The following THADA variants were observed in gnomAD, a reference collection of about 807,000 sequenced individuals.
The protein encoded by THADA is THADA armadillo repeat containing, also known as tRNA (32-2'-O)-methyltransferase regulator THADA.
In THADA, 213 loss-of-function variants were observed where a neutral mutation model predicts 219.8. That is an observed-to-expected ratio of 0.97 (90% CI 0.87 to 1.09). The LOEUF is 1.09. Among genes scored for constraint, THADA ranks in the 50% least tolerant of loss-of-function variants. The pLI, the probability that THADA is intolerant of heterozygous loss-of-function variation, is 0.00. For synonymous variants in THADA, 1,018 were observed against 828.9 expected (o/e 1.23, Z -3.92); for missense variants, 2,956 against 2,311.3 (o/e 1.28, Z -5.72).
chr2:43,284,390 A>G (rs769145454), intron 35 of THADA, among the ~76,000 whole-genome samples: 4 of 152,152 alleles, frequency 2.6e-5, no homozygotes, highest in Non-Finnish European at 4.4e-5. Context: ...TCCAGCTGTG[A>G]CTAAAAGGGG....
intron 29 of THADA, among the ~76,000 whole-genome samples, chr2:43,365,771 T>C (rs1670074735): frequency 6.6e-6 from 1 of 152,102 alleles, no homozygotes; most frequent in Admixed American, 6.5e-5. Context: ...CAGGTTCCTC[T>C]TGAGAAACTG....
At chr2:43,437,173 A>G (rs143593661) in intron 26 of THADA, among the ~76,000 whole-genome samples, 54 of 152,346 alleles carry the variant, frequency 3.5e-4, no homozygotes, top group African/African-American at 1.3e-3. Flanking sequence ...ACTTCAGCCC[A>G]TAAAGCCACT....
rs763655641 is a variant in THADA at position 43,574,602 on chromosome 2, T to G, written c.1463A>C (p.Gln488Pro). ...PSQILEVMGD[Q>P]SLVPYASDLL... The stretch of plus-strand genomic sequence containing the variant: ...GTCACTTGCATAAGGTACCAATGAC[T>G]GGTCTCCCATCACCTCTAAGATTTG... Residue 488 changes from glutamine (Q) to proline (P), a missense_variant, in exon 11 of 38, where the codon CAG (glutamine) becomes CCG (proline). By Grantham distance (76) the Gln-to-Pro change is moderately conservative. Coordinates refer to ENST00000405975, the MANE Select transcript of THADA (RefSeq NM_022065.5). 6.2e-7 allele frequency: 1 copy of G among 1,613,896 alleles called. No homozygotes were observed. Among genetic ancestry groups the G allele is most frequent in the East Asian group, 2.2e-5 (1 of 44,898 alleles).
At chr2:43,404,463 G>C (rs542621089) in intron 28 of THADA, among the ~76,000 whole-genome samples, 4 of 151,502 alleles carry the variant, frequency 2.6e-5, no homozygotes, top group Non-Finnish European at 4.4e-5. Flanking sequence ...AGAGTGCTGG[G>C]ATTATAAGCA....
chr2:43,273,068 T>C (rs904597707), intron 36 of THADA, among the ~76,000 whole-genome samples: 6 of 152,054 alleles, frequency 3.9e-5, no homozygotes, highest in African/African-American at 1.4e-4. Context: ...GGGCAACATG[T>C]AGTAGCCCCA....
chr2:43,419,667 T>C (rs1232753677), intron 28 of THADA, among the ~76,000 whole-genome samples: 2 of 152,338 alleles, frequency 1.3e-5, no homozygotes, highest in East Asian at 3.9e-4. Flanking sequence ...CATTTGGGGC[T>C]TGGTAATGTG....
intron 29 of THADA, among the ~76,000 whole-genome samples, chr2:43,373,074 GA>G (rs1456925869): frequency 6.6e-6 from 1 of 151,530 alleles, no homozygotes; most frequent in African/African-American, 2.4e-5. Context: ...AAACAAAGAG[GA>G]AAAAAAGAAA....
At chr2:43,425,014 A>C (rs1678230725) in intron 28 of THADA, among the ~76,000 whole-genome samples, 1 of 152,204 alleles carries the variant, frequency 6.6e-6, no homozygotes. Context: ...CATCTCTCTC[A>C]GTTGCATACA....
intron 4 of THADA, among the ~76,000 whole-genome samples, chr2:43,587,574 T>C (rs550174629): frequency 1.4e-4 from 22 of 152,240 alleles, no homozygotes; most frequent in African/African-American, 4.8e-4. Context: ...CACTGCCTCA[T>C]CCCTTTCAGG....
chr2:43,416,859 C>T (rs1018429175), intron 28 of THADA, among the ~76,000 whole-genome samples: 76 of 152,156 alleles, frequency 5.0e-4, no homozygotes, highest in Admixed American at 2.4e-3. Flanking sequence ...AAGCAGTTTC[C>T]TGAAGTTATT....
chr2:43,529,341 T>A (rs1693580679), intron 21 of THADA, among the ~76,000 whole-genome samples: 1 of 152,198 alleles, frequency 6.6e-6, no homozygotes, highest in African/African-American at 2.4e-5. Flanking sequence ...CCTAATTTTT[T>A]AATTTTTTGT....
At position 43,549,375 on chromosome 2, in the gene THADA, G is replaced by T; in HGVS notation, c.2948-7C>A. 6.3e-7 allele frequency: 1 copy of T among 1,598,192 alleles called. No homozygotes were observed. The highest frequency in any genetic ancestry group is 1.8e-5 in the Admixed American group (1 of 56,650). ...TGTAAGCGGCTTGCTGACTCTGAGG[G>T]AAAGAAATGAGCGTACATGAAACCC... On this transcript the variant is annotated splice_region_variant and splice_polypyrimidine_tract_variant and intron_variant, in intron 19 of 37. Transcript: ENST00000405975.
intron 29 of THADA, among the ~76,000 whole-genome samples, chr2:43,367,206 A>C (rs1670258850): frequency 1.3e-5 from 2 of 152,226 alleles, no homozygotes; most frequent in Non-Finnish European, 2.9e-5. Flanking sequence ...GCTGTTGTTT[A>C]ATGGGTATAG....
Position 43,581,789 on chromosome 2 carries a change from G to C in THADA, c.673C>G (p.Gln225Glu). The change falls in exon 8 of 38, where the codon CAA becomes GAA. Residue 225 changes from glutamine to glutamate, a missense_variant. Transcript: ENST00000405975. ...LWKTSDSPIW[Q>E]NMCGLLSIFT... ...ATACTCAGCAATCCACACATATTTTGCCATATGGGAGAATCGGAAGTCTTC... is the reference window on the plus strand; with the variant it reads ...ATACTCAGCAATCCACACATATTTTCCCATATGGGAGAATCGGAAGTCTTC... The C allele has an allele frequency of 6.2e-7, 1 of 1,612,366 alleles. No individual in the cohort carries two copies. Among genetic ancestry groups the C allele is most frequent in the Non-Finnish European group, 8.5e-7 (1 of 1,179,574 alleles).
At chr2:43,427,604 T>C in intron 28 of THADA, among the ~76,000 whole-genome samples, 2 of 148,518 alleles carry the variant, frequency 1.3e-5, no homozygotes, top group Middle Eastern at 3.6e-3. Context: ...ATATAATATA[T>C]ATAATAGTTA....
In THADA at chr2:43,398,110, C is replaced by T. The variant is rs1375516302; in HGVS notation, c.4088G>A (p.Arg1363His). The T allele has an allele frequency of 4.3e-6, 7 of 1,613,842 alleles. No individual in the cohort carries two copies. The highest frequency in any genetic ancestry group is 3.4e-6 in the Non-Finnish European group (4 of 1,179,796). ...GACCAAGGCACGAGCTGCCATTTCA[C>T]GGGAGTGGTAGACAGGTGAGTGACC... ...RCGHSPVYHS[R>H]EMAARALVPF... Residue 1363 changes from arginine (R) to histidine (H), a missense_variant, in exon 29 of 38, where the codon CGT becomes CAT. Arg to His is a conservative substitution (Grantham distance 29). Transcript: ENST00000405975.
rs976926911 is a variant in THADA at position 43,286,977 on chromosome 2, T to A, written c.5095A>T (p.Arg1699Trp). ...SCEDHLPTES[R>W]LAVVEVLTST... ...GTGAGGACTTCAACGACGGCCAGCC[T>A]AGACTCTGTAGGAAGATGGTCTTCA... Residue 1699 changes from arginine to tryptophan, a missense_variant, in exon 35 of 38, where the codon AGG becomes TGG. Coordinates refer to ENST00000405975, the MANE Select transcript of THADA (RefSeq NM_022065.5). The A allele has an allele frequency of 1.2e-6, 2 of 1,613,998 alleles. No homozygotes were observed. Among genetic ancestry groups the A allele is most frequent in the Non-Finnish European group, 1.7e-6 (2 of 1,179,892 alleles).
At chr2:43,311,977 C>G (rs1052163869) in intron 31 of THADA, among the ~76,000 whole-genome samples, 1 of 151,878 alleles carries the variant, frequency 6.6e-6, no homozygotes, top group Non-Finnish European at 1.5e-5. Context: ...GGCAGGAGGG[C>G]TGCTTAAGCC....
At chr2:43,591,469 C>G (rs1701560421) in intron 3 of THADA, among the ~76,000 whole-genome samples, 1 of 152,002 alleles carries the variant, frequency 6.6e-6, no homozygotes, top group Non-Finnish European at 1.5e-5. Context: ...CCAGACCCAC[C>G]TCCACAGAGA....
Sources: allele counts gnomAD v4.1 joint callset (sites outside exome capture counted in the v4.1 genomes callset), GRCh38; gene constraint gnomAD v4.1.1; transcripts MANE v1.5; gene names NCBI Gene and HGNC (gene_info 2026-07-23, HGNC 2026-07-21).